The following FAM131C variants were observed in gnomAD, a reference collection of about 807,000 sequenced individuals.
FAM131C encodes family with sequence similarity 131 member C.
A neutral mutation model predicts 29.8 loss-of-function variants in FAM131C; 14 were observed. The ratio of observed to expected loss-of-function variants is 0.47; its 90% CI spans 0.31 to 0.73. The LOEUF is 0.73. FAM131C is among the 30% of genes least tolerant of loss of function. The pLI, the probability that FAM131C is intolerant of heterozygous loss-of-function variation, is 0.05. For synonymous variants in FAM131C, 86 were observed against 157.8 expected (o/e 0.54, Z 3.41); for missense variants, 252 against 383.8 (o/e 0.66, Z 2.87).
Position 16,063,592 on chromosome 1 carries a change from C to T in FAM131C, c.67G>A (p.Ala23Thr). The change falls in exon 2 of 7, where the codon GCG (alanine) becomes ACG (threonine). Residue 23 changes from alanine to threonine, a missense_variant. Coordinates refer to ENST00000375662, the MANE Select transcript of FAM131C (RefSeq NM_182623.3). ...AHKNCPMPQG[A>T]DPLNPDLPSG... ...GGCAGATCTGGGTTCAAGGGGTCCG[C>T]ACCCTGGGGCATGGGGCAGTTCTTG... is the stretch of plus-strand genomic sequence containing the variant. 6.2e-7 allele frequency: 1 copy of T among 1,613,654 alleles called. No homozygotes were observed. Among genetic ancestry groups the T allele is most frequent in the Non-Finnish European group, 8.5e-7 (1 of 1,179,762 alleles).
intron 1 of FAM131C, among the ~76,000 whole-genome samples, chr1:16,065,464 T>A (rs1304728378): frequency 6.6e-6 from 1 of 152,230 alleles, no homozygotes; most frequent in Non-Finnish European, 1.5e-5. Context: ...ATTGTGTCAC[T>A]GGGGTTAGGG....
chr1:16,062,655 G>A (rs2023619367), intron 2 of FAM131C, 121 bp from the exon 3 acceptor site: 6 of 1,424,368 alleles, frequency 4.2e-6, no homozygotes, highest in Non-Finnish European at 4.6e-6. Flanking sequence ...GTGTGAGGTT[G>A]GGGTCTGCCC....
rs774121885 is a variant in FAM131C, at chr1:16,058,766, C to T, written c.563-49G>A. On this transcript the variant is annotated intron_variant, in intron 6 of 6. Coordinates refer to ENST00000375662, the MANE Select transcript of FAM131C (RefSeq NM_182623.3). ...GGGAATGGCGTCCCAGATCCAGCTC[C>T]TCGCCCTCTCTGGGGGTGTGAGAAA... 9.7e-6 allele frequency: 14 copies of T among 1,437,146 alleles called. No individual in the cohort carries two copies. The East Asian group carries it at 1.6e-4, about 17-fold the overall frequency. The allele number at this position is 1,437,146 out of a possible 1,614,324, so 89.0% of individuals were successfully genotyped here.
At position 16,060,046 on chromosome 1, in the gene FAM131C, C is replaced by T. The variant is rs777266764; in HGVS notation, c.274G>A (p.Val92Met). ...GTGATGTGGTCCTTGATGCTCTGCA[C>T]CACCCCTGGGGCATGGAGGGCATCT... ...ALATSSLVGV[V>M]QSIKDHITKP... Residue 92 changes from valine (V) to methionine (M), a missense_variant, in exon 5 of 7, where the codon GTG (valine) becomes ATG (methionine). Physicochemically the swap from Val to Met is conservative, Grantham distance 21. Around this residue, in one of 6 missense-constraint regions of FAM131C, gnomAD observed 52 missense variants for 105.9 expected, o/e 0.49. Transcript: ENST00000375662. 13 of 1,443,750 alleles carry T rather than the reference C, an allele frequency of 9.0e-6. No individual in the cohort carries two copies. The South Asian group carries it at 1.5e-4, about 17-fold the overall frequency. 89.4% of individuals were successfully genotyped at this position (1,443,750 alleles called of 1,614,324 possible).
At position 16,059,495 on chromosome 1, in the gene FAM131C, T is replaced by C. The variant is rs1319687164; in HGVS notation, c.561A>G (p.Gln187=). ...ENSPQGIVQL[Q]DLESIYLQDS... is the part of the protein sequence containing the mutation. ...CCCCCTGGACCCTCTGGGCTGTACCTTGGAGCTGGACGATGCCTTGGGGGC... is the reference window on the plus strand; with the variant it reads ...CCCCCTGGACCCTCTGGGCTGTACCCTGGAGCTGGACGATGCCTTGGGGGC... Residue 187 remains glutamine, a splice_region_variant and synonymous_variant, in exon 6 of 7, where the codon CAA becomes CAG. Coordinates refer to ENST00000375662, the MANE Select transcript of FAM131C (RefSeq NM_182623.3). The C allele has an allele frequency of 6.2e-7, 1 of 1,610,904 alleles. No homozygotes were observed. The highest frequency in any genetic ancestry group is 8.5e-7 in the Non-Finnish European group (1 of 1,178,606).
intron 1 of FAM131C, among the ~76,000 whole-genome samples, chr1:16,067,674 C>A (rs2023698246): frequency 6.6e-6 from 1 of 152,180 alleles, no homozygotes; most frequent in Non-Finnish European, 1.5e-5. Flanking sequence ...CCTTCCTATG[C>A]CAGCTCCTCT....
chr1:16,064,694 C>G (rs141824818), intron 1 of FAM131C, among the ~76,000 whole-genome samples: 3 of 152,332 alleles, frequency 2.0e-5, no homozygotes, highest in East Asian at 1.9e-4. Context: ...TTCCTTCCAG[C>G]GACTTGGCCG....
At chr1:16,063,451 C>G in intron 2 of FAM131C, 70 bp downstream of exon 2, 4 of 1,213,734 alleles carry the variant, frequency 3.3e-6, no homozygotes, top group Non-Finnish European at 4.9e-6. Flanking sequence ...ATGGATTCTG[C>G]TCCCTGCGGG....
rs12064631 is a variant in FAM131C, at chr1:16,070,130, G to C, written c.22+3291C>G. On this transcript the variant is annotated intron_variant, in intron 1 of 6. Coordinates refer to ENST00000375662, the MANE Select transcript of FAM131C (RefSeq NM_182623.3). The stretch of plus-strand genomic sequence containing the variant: ...TCAGGCTCTGGGGTCACATTGACCT[G>C]GATTCAAGTCCTGCCTCTCCATGCC... Among the ~76,000 whole-genome samples the C allele has an allele frequency of 6.9e-3, 1,054 of 152,236 alleles. 20 individuals are homozygous for C. The highest frequency in any genetic ancestry group is 0.025 in the African/African-American group (1,018 of 41,530).
intron 1 of FAM131C, 145 bp downstream of exon 1, chr1:16,073,275 GT>G: frequency 2.6e-6 from 1 of 383,752 alleles, no homozygotes; most frequent in Non-Finnish European, 4.4e-6. Flanking sequence ...CCCTAGCTCT[GT>G]CCCCCTCAGG....
intron 1 of FAM131C, among the ~76,000 whole-genome samples, chr1:16,070,664 T>G (rs955338613): frequency 1.3e-5 from 2 of 152,108 alleles, no homozygotes; most frequent in Admixed American, 1.3e-4. Context: ...AAAGTAAAAA[T>G]GAGAGCAATA....
Position 16,063,200 on chromosome 1 carries a change from A to G in FAM131C, c.138+321T>C, listed in dbSNP as rs151197291. 2.1e-4 allele frequency among the ~76,000 whole-genome samples: 32 copies of G among 149,928 alleles called. 1 individual carries two copies. The East Asian group carries it at 6.2e-3, about 29-fold the overall frequency. On this transcript the variant is annotated intron_variant, in intron 2 of 6. Transcript: ENST00000375662. ...TTTATATACAAATTATATGTATAACATAACATATATAAAATTTGTGAGGCT... is the reference window on the plus strand; with the variant it reads ...TTTATATACAAATTATATGTATAACGTAACATATATAAAATTTGTGAGGCT...
chr1:16,073,279 C>T (rs2023776540), intron 1 of FAM131C, 142 bp downstream of exon 1: 1 of 394,250 alleles, frequency 2.5e-6, no homozygotes, highest in African/African-American at 2.1e-5. Context: ...AGCTCTGTCC[C>T]CCTCAGGACG....
At chr1:16,067,141 C>T (rs759201234) in intron 1 of FAM131C, among the ~76,000 whole-genome samples, 2 of 152,174 alleles carry the variant, frequency 1.3e-5, no homozygotes, top group East Asian at 3.9e-4. Context: ...ACCCCCTCCC[C>T]AGCCCGCCTG....
chr1:16,073,435 G>A lies in FAM131C; in HGVS notation c.8C>T (p.Ser3Phe). The A allele has an allele frequency of 8.3e-7, 1 of 1,211,720 alleles. No individual in the cohort carries two copies. The highest frequency in any genetic ancestry group is 1.0e-6 in the Non-Finnish European group (1 of 974,720). The allele number at this position is 1,211,720 out of a possible 1,614,324, so 75.1% of individuals were successfully genotyped here. ...GGCCCCCTCACCTCGCGACACGCAG[G>A]AGCCCATCACGGGGCCGCGGGGCCG... MG[S>F]CVSRDLFTSA... The change falls in exon 1 of 7, where the codon TCC becomes TTC. Residue 3 changes from serine (S) to phenylalanine (F), a missense_variant. Ser to Phe is a radical substitution (Grantham distance 155, BLOSUM62 -2). Transcript: ENST00000375662.
intron 1 of FAM131C, among the ~76,000 whole-genome samples, chr1:16,071,459 G>C (rs543839246): frequency 1.3e-5 from 2 of 152,152 alleles, no homozygotes; most frequent in Non-Finnish European, 2.9e-5. Flanking sequence ...GTATGCACTC[G>C]GAGAGCATCA....
chr1:16,063,927 C>T (rs2023641063), intron 1 of FAM131C, among the ~76,000 whole-genome samples: 1 of 151,954 alleles, frequency 6.6e-6, no homozygotes, highest in Admixed American at 6.6e-5. Flanking sequence ...TCCATTTACC[C>T]TCATATTTCC....
chr1:16,071,840 T>C (rs2023753302), intron 1 of FAM131C, among the ~76,000 whole-genome samples: 1 of 152,326 alleles, frequency 6.6e-6, no homozygotes, highest in South Asian at 2.1e-4. Flanking sequence ...CCCCGGCCTC[T>C]GTCCCATGCT....
Position 16,057,837 on chromosome 1 carries a change from G to C in FAM131C, c.*600C>G, listed in dbSNP as rs1170572415. ...GTGAGATGGGAGGGAGCCGCAAGGA[G>C]GGGGAGTGGGCTCCCAGGGGTGAGG... On this transcript the variant is annotated 3_prime_UTR_variant, in exon 7 of 7. Coordinates refer to ENST00000375662, the MANE Select transcript of FAM131C (RefSeq NM_182623.3). 2.3e-4 allele frequency: 38 copies of C among 163,538 alleles called. No individual in the cohort carries two copies. Among genetic ancestry groups the C allele is most frequent in the Admixed American group, 2.2e-3 (37 of 16,974 alleles). 10.1% of individuals were successfully genotyped at this position (163,538 alleles called of 1,614,324 possible).
Sources: gnomAD v4.1 joint callset for allele counts (sites outside exome capture counted in the v4.1 genomes callset) on GRCh38, gnomAD v4.1.1 for gene constraint, gnomAD v4.1.1 regional missense constraint, MANE v1.5 for transcripts, NCBI Gene and HGNC (gene_info 2026-07-23, HGNC 2026-07-21) for gene names.